The following RBM18 variants were observed in gnomAD, a reference collection of about 807,000 sequenced individuals.
RBM18 encodes RNA binding motif protein 18, also known as probable RNA-binding protein 18.
In RBM18, 18 loss-of-function variants were observed where a neutral mutation model predicts 26.4. The ratio of observed to expected loss-of-function variants is 0.68; its 90% CI spans 0.47 to 1.01. The LOEUF (loss-of-function observed/expected upper bound fraction) is 1.01. RBM18 is among the 50% of genes least tolerant of loss of function. The pLI is 0.00. For synonymous variants in RBM18, 74 were observed against 81.1 expected (o/e 0.91, Z 0.47); for missense variants, 180 against 219.2 (o/e 0.82, Z 1.13).
intron 2 of RBM18, among the ~76,000 whole-genome samples, chr9:122,259,292 A>G (rs984280949): frequency 1.3e-5 from 2 of 152,232 alleles, no homozygotes; most frequent in African/African-American, 4.8e-5. Flanking sequence ...TCCACACTTT[A>G]GATTTCCATT....
intron 5 of RBM18, among the ~76,000 whole-genome samples, chr9:122,243,107 C>T (rs777570224): frequency 2.0e-5 from 3 of 152,212 alleles, no homozygotes; most frequent in South Asian, 2.1e-4. Context: ...GGATTACAGG[C>T]GTGAGCTACC....
intron 4 of RBM18, among the ~76,000 whole-genome samples, chr9:122,246,286 G>T (rs553436831): frequency 6.6e-6 from 1 of 152,272 alleles, no homozygotes; most frequent in East Asian, 1.9e-4. Flanking sequence ...GGGATTACAG[G>T]CATGAGCCAC....
chr9:122,238,219 ATATT>A lies in RBM18; in HGVS notation c.*3661_*3664del, dbSNP rs1488343411. On this transcript the variant is annotated 3_prime_UTR_variant, in exon 6 of 6. Coordinates refer to ENST00000417201, the MANE Select transcript of RBM18 (RefSeq NM_033117.4). ...AGAATTCTTGTAGTTTATCCAACAA[ATATT>A]TATTGAGTATGTATGATGTACAGCC... 1 of 152,238 alleles carries A rather than the reference ATATT, an allele frequency of 6.6e-6. No individual in the cohort carries two copies. Among genetic ancestry groups the A allele is most frequent in the Non-Finnish European group, 1.5e-5 (1 of 68,062 alleles). 9.4% of individuals were successfully genotyped at this position (152,238 alleles called of 1,614,324 possible). A position where few individuals can be genotyped will look rare whatever the true frequency, so the allele number is the denominator to read the frequency against.
intron 3 of RBM18, among the ~76,000 whole-genome samples, chr9:122,249,913 A>G (rs1831570610): frequency 6.6e-6 from 1 of 151,822 alleles, no homozygotes; most frequent in South Asian, 2.1e-4. Flanking sequence ...TCTACAAAAC[A>G]TGCAAAAATT....
At chr9:122,252,472 C>T (rs953205868) in intron 2 of RBM18, among the ~76,000 whole-genome samples, 1 of 152,302 alleles carries the variant, frequency 6.6e-6, no homozygotes, top group African/African-American at 2.4e-5. Flanking sequence ...GGAAGATCTT[C>T]CTATTAGATT....
intron 1 of RBM18, among the ~76,000 whole-genome samples, chr9:122,261,961 TA>T (rs1225365419): frequency 2.6e-5 from 4 of 152,102 alleles, no homozygotes; most frequent in Non-Finnish European, 4.4e-5. Context: ...GAAGAGGCAA[TA>T]TAGCAAAGAG....
At position 122,238,123 on chromosome 9, in the gene RBM18, C is replaced by T. The variant is rs1179833736; in HGVS notation, c.*3761G>A. 2 of 152,152 alleles carry T rather than the reference C, an allele frequency of 1.3e-5. No individual in the cohort carries two copies. Among genetic ancestry groups the T allele is most frequent in the African/African-American group, 4.8e-5 (2 of 41,430 alleles). The allele number at this position is 152,152 out of a possible 1,614,324, so 9.4% of individuals were successfully genotyped here. A position where few individuals can be genotyped will look rare whatever the true frequency, so the allele number is the denominator to read the frequency against. On this transcript the variant is annotated 3_prime_UTR_variant, in exon 6 of 6. Coordinates refer to ENST00000417201, the MANE Select transcript of RBM18 (RefSeq NM_033117.4). ...AAATCGCTTTGTCTCTCTGGGTTCC[C>T]GTTTTCCCCATCTGGACAATGAGGG...
At chr9:122,252,120 GT>G in intron 2 of RBM18, 147 bp from the exon 3 acceptor site, 1 of 1,006,350 alleles carries the variant, frequency 9.9e-7, no homozygotes, top group Non-Finnish European at 1.4e-6. Context: ...TGCTATGTTA[GT>G]TTATTTGGCA....
At chr9:122,255,405 G>C (rs1400176957) in intron 2 of RBM18, among the ~76,000 whole-genome samples, 1 of 152,148 alleles carries the variant, frequency 6.6e-6, no homozygotes, top group African/African-American at 2.4e-5. Context: ...ATTTTCCCTT[G>C]CATTCCAGCT....
chr9:122,262,904 TG>T (rs1831832735), intron 1 of RBM18, among the ~76,000 whole-genome samples: 2 of 152,200 alleles, frequency 1.3e-5, no homozygotes, highest in African/African-American at 4.8e-5. Context: ...GCATTTCCAC[TG>T]GAAGTTATTT....
intron 2 of RBM18, among the ~76,000 whole-genome samples, chr9:122,255,285 A>T (rs1831672655): frequency 6.6e-6 from 1 of 152,162 alleles, no homozygotes; most frequent in Admixed American, 6.6e-5. Context: ...GTTTCATGTA[A>T]ACCAAGACAT....
At chr9:122,245,384 C>T (rs1249913022) in intron 4 of RBM18, 43 bp from the exon 5 acceptor site, 2 of 1,281,478 alleles carry the variant, frequency 1.6e-6, no homozygotes, top group Admixed American at 3.4e-5. Flanking sequence ...TGGGCAGAAA[C>T]CAGCCCTTTA....
chr9:122,263,811 C>T (rs761924326), intron 1 of RBM18, among the ~76,000 whole-genome samples: 1 of 152,108 alleles, frequency 6.6e-6, no homozygotes, highest in Non-Finnish European at 1.5e-5. Flanking sequence ...GAAAAGGTAC[C>T]ATGTTTTACT....
chr9:122,255,239 T>A (rs1328019954), intron 2 of RBM18, among the ~76,000 whole-genome samples: 1 of 152,220 alleles, frequency 6.6e-6, no homozygotes, highest in Non-Finnish European at 1.5e-5. Flanking sequence ...ATGGTCTTAT[T>A]GTGCTTCCAA....
At chr9:122,242,569 T>C (rs1171982303) in intron 5 of RBM18, among the ~76,000 whole-genome samples, 2 of 151,946 alleles carry the variant, frequency 1.3e-5, no homozygotes, top group Admixed American at 6.5e-5. Flanking sequence ...GGAAATCCTA[T>C]ACAATCTCTT....
intron 2 of RBM18, among the ~76,000 whole-genome samples, chr9:122,259,806 G>A (rs1353801486): frequency 6.6e-6 from 1 of 151,978 alleles, no homozygotes; most frequent in South Asian, 2.1e-4. Context: ...CAATTTTCGC[G>A]CCTCAACCTC....
chr9:122,241,959 A>G lies in RBM18; in HGVS notation c.498T>C (p.Val166=), dbSNP rs769548414. 1.2e-6 allele frequency: 2 copies of G among 1,614,144 alleles called. No individual in the cohort carries two copies. The highest frequency in any genetic ancestry group is 1.7e-6 in the Non-Finnish European group (2 of 1,179,998). ...NPDAEYPAAP[V]YSYFKPPDKK... ...TATCTGGTGGCTTAAAGTAGGAATA[A>G]ACAGGCGCTGCTGGATACTCTGCAT... Residue 166 remains valine (V), a synonymous_variant, in exon 6 of 6, where the codon GTT becomes GTC. Coordinates refer to ENST00000417201, the MANE Select transcript of RBM18 (RefSeq NM_033117.4).
rs192829279 is a variant in RBM18 at position 122,241,685 on chromosome 9, T to A, written c.*199A>T. On this transcript the variant is annotated 3_prime_UTR_variant, in exon 6 of 6. Coordinates refer to ENST00000417201, the MANE Select transcript of RBM18 (RefSeq NM_033117.4). ...ATCACAATTTGGGATACAACGCTAT[T>A]TATTCTGGATGATGCTCAATTCCAT... 9 of 483,742 alleles carry A rather than the reference T, an allele frequency of 1.9e-5. No homozygotes were observed. In the Admixed American group the frequency reaches 3.4e-4, roughly 18 times the overall value. 30.0% of individuals were successfully genotyped at this position (483,742 alleles called of 1,614,324 possible). A position where few individuals can be genotyped will look rare whatever the true frequency, so the allele number is the denominator to read the frequency against.
chr9:122,249,707 T>A (rs1324454629), intron 3 of RBM18, among the ~76,000 whole-genome samples: 1 of 145,464 alleles, frequency 6.9e-6, no homozygotes, highest in Non-Finnish European at 1.5e-5. Flanking sequence ...AGACCCTGTC[T>A]CAAAAAAAAA....
Sources: allele counts gnomAD v4.1 joint callset (sites outside exome capture counted in the v4.1 genomes callset), GRCh38; gene constraint gnomAD v4.1.1; transcripts MANE v1.5; gene names NCBI Gene and HGNC (gene_info 2026-07-23, HGNC 2026-07-21).